PTPRQ: variants seen among roughly 807,000 people sequenced by gnomAD.
The protein encoded by PTPRQ is phosphatidylinositol phosphatase PTPRQ.
A neutral mutation model predicts 246.0 loss-of-function variants in PTPRQ; 199 were observed. That is an observed-to-expected ratio of 0.81 (90% CI 0.72 to 0.91). The LOEUF is 0.91. PTPRQ is among the 40% of genes least tolerant of loss of function. The pLI is 0.00. For synonymous variants in PTPRQ, 869 were observed against 853.2 expected, an observed-to-expected ratio of 1.02 and a Z score of -0.32; for missense variants, 2,624 against 2,528.4, an observed-to-expected ratio of 1.04 and a Z score of -0.81.
chr12:80,534,118 A>G lies in PTPRQ; in HGVS notation c.2782A>G (p.Arg928Gly). 6.5e-7 allele frequency: 1 copy of G among 1,542,308 alleles called. No homozygotes were observed. Among genetic ancestry groups the G allele is most frequent in the Non-Finnish European group, 8.7e-7 (1 of 1,142,906 alleles). Residue 928 changes from arginine (R) to glycine (G), a missense_variant, in exon 18 of 45, where the codon AGA (arginine) becomes GGA (glycine). By Grantham distance (125) the Arg-to-Gly change is moderately radical. Transcript: ENST00000644991. ...EYSAYVTAST[R>G]FGDGKTRSNI... ...CAGTGCTTATGTAACAGCTAGCACC[A>G]GATTTGGTGATGGGAAAACAAGAAG... is the stretch of plus-strand genomic sequence containing the variant.
chr12:80,557,463 G>A (rs1305696546), intron 25 of PTPRQ, among the ~76,000 whole-genome samples: 3 of 150,828 alleles, frequency 2.0e-5, no homozygotes, highest in Admixed American at 1.3e-4. Context: ...GTGATAATAA[G>A]TATATTATAA....
intron 41 of PTPRQ, among the ~76,000 whole-genome samples, chr12:80,669,706 G>A (rs1900907930): frequency 6.6e-6 from 1 of 151,940 alleles, no homozygotes; most frequent in South Asian, 2.1e-4. Flanking sequence ...ACATTCTTAG[G>A]TTGACAAGAG....
At chr12:80,567,728 G>C (rs1325560803) in intron 25 of PTPRQ, among the ~76,000 whole-genome samples, 1 of 152,082 alleles carries the variant, frequency 6.6e-6, no homozygotes, top group Non-Finnish European at 1.5e-5. Context: ...TTTCTATTAG[G>C]AATGAAACTG....
Position 80,519,520 on chromosome 12 carries a change from C to T in PTPRQ, c.2678+9077C>T, listed in dbSNP as rs189276075. ...TGGGAAGTGTGCCTCCAGCAAAGAC[C>T]GGAGATGGGCACTTTGAAGGAGGAG... On this transcript the variant is annotated intron_variant, in intron 17 of 44. Coordinates refer to ENST00000644991, the MANE Select transcript of PTPRQ (RefSeq NM_001145026.2). Among the ~76,000 whole-genome samples the T allele has an allele frequency of 4.9e-4, 74 of 152,134 alleles. No individual in the cohort carries two copies. In the East Asian group the frequency reaches 0.011, roughly 23 times the overall value.
chr12:80,481,471 G>C (rs1454274390), intron 8 of PTPRQ, among the ~76,000 whole-genome samples: 1 of 152,158 alleles, frequency 6.6e-6, no homozygotes, highest in Non-Finnish European at 1.5e-5. Flanking sequence ...GCACAAGACA[G>C]GGATGCCCCC....
At chr12:80,597,418 T>C (rs1898005839) in intron 26 of PTPRQ, among the ~76,000 whole-genome samples, 1 of 152,072 alleles carries the variant, frequency 6.6e-6, no homozygotes. Context: ...ACTTTGGGAA[T>C]TGGAGGAAGT....
chr12:80,662,778 AACTT>A (rs531720556), intron 39 of PTPRQ, among the ~76,000 whole-genome samples: 1 of 152,114 alleles, frequency 6.6e-6, no homozygotes, highest in Non-Finnish European at 1.5e-5. Flanking sequence ...TGTGGAATGA[AACTT>A]ACACTTTGTT....
chr12:80,514,974 T>C (rs935304018), intron 17 of PTPRQ, among the ~76,000 whole-genome samples: 1 of 150,450 alleles, frequency 6.6e-6, no homozygotes, highest in African/African-American at 2.4e-5. Context: ...ATATTTAAAT[T>C]TTCAGCATTG....
intron 3 of PTPRQ, among the ~76,000 whole-genome samples, chr12:80,455,747 T>C (rs1017941481): frequency 2.0e-5 from 3 of 148,940 alleles, no homozygotes; most frequent in Non-Finnish European, 4.4e-5. Flanking sequence ...CCCGCCACCA[T>C]GCCCGGCTAA....
chr12:80,669,457 T>C lies in PTPRQ; in HGVS notation c.6446T>C (p.Ile2149Thr). ...GATTGGACTATCAGGGATCTGAAAATTGAAAGGGTAAAAAAAAAAGGGGGG... is the reference window on the plus strand; with the variant it reads ...GATTGGACTATCAGGGATCTGAAAACTGAAAGGGTAAAAAAAAAAGGGGGG... ...QIDWTIRDLK[I>T]ERHGDCMTVR... The change falls in exon 41 of 45, where the codon ATT becomes ACT. Residue 2149 changes from isoleucine to threonine, a missense_variant. Physicochemically the swap from Ile to Thr is moderately conservative, Grantham distance 89. Transcript: ENST00000644991. 1.9e-6 allele frequency: 3 copies of C among 1,540,098 alleles called. No individual in the cohort carries two copies. Among genetic ancestry groups the C allele is most frequent in the Non-Finnish European group, 2.6e-6 (3 of 1,142,736 alleles).
intron 6 of PTPRQ, among the ~76,000 whole-genome samples, chr12:80,463,728 A>G (rs1893291487): frequency 6.6e-6 from 1 of 151,590 alleles, no homozygotes; most frequent in Non-Finnish European, 1.5e-5. Flanking sequence ...TTCTTAAAGA[A>G]AAGAATTTTC....
At position 80,481,332 on chromosome 12, in the gene PTPRQ, T is replaced by A. The variant is rs1015518292; in HGVS notation, c.1187-3101T>A. ...TTTGACAAAATTCAACAATCCTTCA[T>A]GCTAAAAACTCTCAATAAATTAGGT... On this transcript the variant is annotated intron_variant, in intron 8 of 44. Transcript: ENST00000644991. 6.6e-5 allele frequency among the ~76,000 whole-genome samples: 10 copies of A among 152,286 alleles called. No individual in the cohort carries two copies. The East Asian group carries it at 1.2e-3, about 18-fold the overall frequency.
intron 25 of PTPRQ, among the ~76,000 whole-genome samples, chr12:80,571,240 G>T (rs1897138497): frequency 6.6e-6 from 1 of 152,162 alleles, no homozygotes. Context: ...TGCCTCCCGG[G>T]TTCAAGTGAT....
At chr12:80,445,083 A>G (rs1350630401) in intron 2 of PTPRQ, among the ~76,000 whole-genome samples, 1 of 151,902 alleles carries the variant, frequency 6.6e-6, no homozygotes, top group Non-Finnish European at 1.5e-5. Context: ...TGTGAAATAG[A>G]TCAGAGAGAC....
At chr12:80,631,388 T>A (rs772538863) in intron 33 of PTPRQ, among the ~76,000 whole-genome samples, 12 of 152,202 alleles carry the variant, frequency 7.9e-5, no homozygotes, top group Non-Finnish European at 1.3e-4. Flanking sequence ...AGTATTTTTG[T>A]TATTTGTATT....
intron 35 of PTPRQ, among the ~76,000 whole-genome samples, chr12:80,636,265 T>C (rs1247772722): frequency 6.6e-6 from 1 of 152,200 alleles, no homozygotes; most frequent in Non-Finnish European, 1.5e-5. Context: ...TTGTAAGTTA[T>C]CCAAGACATA....
chr12:80,623,111 C>A (rs543068056), intron 33 of PTPRQ, among the ~76,000 whole-genome samples: 1 of 152,026 alleles, frequency 6.6e-6, no homozygotes, highest in Non-Finnish European at 1.5e-5. Flanking sequence ...CAGATCCTGG[C>A]GAGCTGTTGC....
At chr12:80,517,858 C>T (rs761749700) in intron 17 of PTPRQ, among the ~76,000 whole-genome samples, 23 of 152,072 alleles carry the variant, frequency 1.5e-4, no homozygotes, top group Non-Finnish European at 3.4e-4. Flanking sequence ...ATAGATGTAC[C>T]ACATTTTCTT....
chr12:80,665,977 TTATTATACAC>T (rs1338257434), intron 39 of PTPRQ, among the ~76,000 whole-genome samples: 2 of 151,952 alleles, frequency 1.3e-5, no homozygotes, highest in African/African-American at 4.8e-5. Context: ...GAAAGTGGAA[TTATTATACAC>T]TATTATACAC....
Sources: gnomAD v4.1 joint callset for allele counts (sites outside exome capture counted in the v4.1 genomes callset) on GRCh38, gnomAD v4.1.1 for gene constraint, MANE v1.5 for transcripts, NCBI Gene and HGNC (gene_info 2026-07-23, HGNC 2026-07-21) for gene names.